Variants in MSH3 observed in about 807,000 individuals in gnomAD.
The protein encoded by MSH3 is mutS homolog 3.
MSH3 carries 106 observed loss-of-function variants against 123.3 expected under a neutral mutation model. That is an observed-to-expected ratio of 0.86 (90% CI 0.73 to 1.01). MSH3 has a LOEUF of 1.01. MSH3 is among the 50% of genes least tolerant of loss of function. The pLI is 0.00. For missense variants in MSH3, 1,459 were observed against 1,347.6 expected, an observed-to-expected ratio of 1.08 and a Z score of -1.29; for synonymous variants, 515 against 481.4, an observed-to-expected ratio of 1.07 and a Z score of -0.91.
intron 8 of MSH3, among the ~76,000 whole-genome samples, chr5:80,696,111 T>C (rs1249424341): frequency 6.6e-6 from 1 of 152,176 alleles, no homozygotes; most frequent in Non-Finnish European, 1.5e-5. Flanking sequence ...CCATGTGGCC[T>C]CCACTGGGCC....
intron 15 of MSH3, among the ~76,000 whole-genome samples, chr5:80,772,239 G>C (rs1744225486): frequency 6.6e-6 from 1 of 152,164 alleles, no homozygotes; most frequent in African/African-American, 2.4e-5. Context: ...ACAGCATGCA[G>C]CATATCCAAA....
intron 15 of MSH3, among the ~76,000 whole-genome samples, chr5:80,772,281 AATCT>A: frequency 6.6e-6 from 1 of 152,344 alleles, no homozygotes; most frequent in Admixed American, 6.5e-5. Flanking sequence ...TGTGGAAAAT[AATCT>A]GTTACATCTG....
chr5:80,775,522 CTTAA>C (rs981821534), intron 15 of MSH3, among the ~76,000 whole-genome samples, 168 bp from the exon 16 acceptor site: 3 of 151,956 alleles, frequency 2.0e-5, no homozygotes, highest in Admixed American at 6.6e-5. Context: ...GTAGTGAACC[CTTAA>C]TTAATAATAT....
At chr5:80,762,293 A>G (rs569699906) in intron 13 of MSH3, among the ~76,000 whole-genome samples, 269 of 152,176 alleles carry the variant, frequency 1.8e-3, no homozygotes, top group African/African-American at 6.1e-3. Context: ...ACTATAAACT[A>G]TGGTGTTTTA....
intron 11 of MSH3, among the ~76,000 whole-genome samples, chr5:80,742,851 T>C (rs1424714107): frequency 1.3e-5 from 2 of 152,180 alleles, no homozygotes; most frequent in African/African-American, 2.4e-5. Context: ...GCCCTGGCAT[T>C]GTAAGCGTTC....
At chr5:80,745,717 A>G (rs1194093872) in intron 12 of MSH3, among the ~76,000 whole-genome samples, 1 of 152,234 alleles carries the variant, frequency 6.6e-6, no homozygotes, top group Non-Finnish European at 1.5e-5. Context: ...ACATGGTGGA[A>G]CACCTCATCA....
intron 7 of MSH3, among the ~76,000 whole-genome samples, chr5:80,675,664 G>T (rs1018900591): frequency 3.9e-5 from 6 of 152,192 alleles, no homozygotes; most frequent in Non-Finnish European, 7.3e-5. Flanking sequence ...TTCAACATGA[G>T]GTTTGGGTGG....
chr5:80,655,607 A>T (rs528653774), intron 1 of MSH3: 29 of 183,030 alleles, frequency 1.6e-4, no homozygotes, highest in Non-Finnish European at 2.8e-4. Flanking sequence ...TAAACCAGAG[A>T]TACTGCCACA....
chr5:80,801,142 A>G (rs1744782723), intron 19 of MSH3, among the ~76,000 whole-genome samples: 1 of 152,254 alleles, frequency 6.6e-6, no homozygotes, highest in African/African-American at 2.4e-5. Flanking sequence ...TGTGACCTTT[A>G]GACACTTAGA....
At chr5:80,714,545 G>GA (rs1750919569) in intron 8 of MSH3, among the ~76,000 whole-genome samples, 1 of 152,066 alleles carries the variant, frequency 6.6e-6, no homozygotes, top group Non-Finnish European at 1.5e-5. Context: ...TAACCAGTTT[G>GA]AAAAAATATT....
At chr5:80,807,174 G>A (rs1744905667) in intron 19 of MSH3, among the ~76,000 whole-genome samples, 1 of 116,828 alleles carries the variant, frequency 8.6e-6, no homozygotes, top group Admixed American at 1.1e-4. Flanking sequence ...CCAGGTGACA[G>A]AGCAATACCC....
At chr5:80,826,479 A>G (rs1228386390) in intron 20 of MSH3, among the ~76,000 whole-genome samples, 3 of 151,998 alleles carry the variant, frequency 2.0e-5, no homozygotes, top group Admixed American at 6.5e-5. Context: ...AGTGCCCACT[A>G]TGTGCTATAC....
intron 19 of MSH3, 30 bp from the exon 20 acceptor site, chr5:80,813,554 C>T (rs894457883): frequency 3.7e-6 from 6 of 1,612,812 alleles, no homozygotes; most frequent in African/African-American, 2.7e-5. Flanking sequence ...TTTTCTGGTA[C>T]AATAAGTGAA....
intron 2 of MSH3, among the ~76,000 whole-genome samples, chr5:80,657,470 AAAAT>A (rs1749318847): frequency 6.6e-6 from 1 of 152,182 alleles, no homozygotes; most frequent in Non-Finnish European, 1.5e-5. Context: ...AAACAGCACA[AAAAT>A]AAATAAAAAC....
chr5:80,720,678 T>G (rs1751060342), intron 8 of MSH3, among the ~76,000 whole-genome samples: 1 of 152,190 alleles, frequency 6.6e-6, no homozygotes, highest in Non-Finnish European at 1.5e-5. Flanking sequence ...ATATCTAACA[T>G]GATTCTGTTG....
chr5:80,729,430 A>AAGTGTGTGTG (rs1491210653), intron 10 of MSH3, among the ~76,000 whole-genome samples: 1 of 78,376 alleles, frequency 1.3e-5, no homozygotes, highest in African/African-American at 5.6e-5. Flanking sequence ...AAAAAAAAAA[A>AAGTGTGTGTG]TGTGTGTGTG....
intron 8 of MSH3, among the ~76,000 whole-genome samples, chr5:80,713,279 T>C (rs1045734224): frequency 6.6e-6 from 1 of 152,240 alleles, no homozygotes; most frequent in African/African-American, 2.4e-5. Flanking sequence ...GTTCCCTTGT[T>C]TTAATGTGGG....
chr5:80,798,361 G>A (rs1364820349), intron 19 of MSH3, among the ~76,000 whole-genome samples: 1 of 32,222 alleles, frequency 3.1e-5, no homozygotes, highest in Non-Finnish European at 5.3e-5. Context: ...AGCTGGTAAA[G>A]ATGAACAGAT....
intron 10 of MSH3, among the ~76,000 whole-genome samples, chr5:80,735,131 C>T (rs763991637): frequency 6.6e-6 from 1 of 152,148 alleles, no homozygotes; most frequent in African/African-American, 2.4e-5. Context: ...TGCCTGTAAT[C>T]TCAGCACTTT....
Sources: allele counts gnomAD v4.1 joint callset (sites outside exome capture counted in the v4.1 genomes callset), GRCh38; gene constraint gnomAD v4.1.1; transcripts MANE v1.5; gene names NCBI Gene and HGNC (gene_info 2026-07-23, HGNC 2026-07-21).